The following CFAP47 variants were observed in gnomAD, a reference collection of about 807,000 sequenced individuals.
CFAP47 encodes the protein cilia and flagella associated protein 47.
Under a neutral mutation model 148.1 loss-of-function variants are expected in CFAP47, and 29 were observed. The observed-to-expected ratio is 0.20, with a 90% CI of 0.15 to 0.27. CFAP47 has a LOEUF of 0.27. Among genes scored for constraint, CFAP47 ranks in the 10% least tolerant of loss-of-function variants. The pLI is 1.00. For synonymous variants in CFAP47, 664 were observed against 577.3 expected, an observed-to-expected ratio of 1.15 and a Z score of -2.15; for missense variants, 1,872 against 1,697.5, an observed-to-expected ratio of 1.10 and a Z score of -1.81.
intron 42 of CFAP47, among the ~76,000 whole-genome samples, chrX:36,193,748 C>T (rs1049824782): frequency 8.9e-6 from 1 of 111,737 alleles, no homozygotes; most frequent in South Asian, 3.8e-4. Context: ...CCTTTTTGCT[C>T]TTCAGCCACC....
At position 36,190,161 on chromosome X, in the gene CFAP47, G is replaced by C. The variant is rs1409554057; in HGVS notation, c.6286G>C (p.Val2096Leu). ...CCGCTTTCTTCCCTTTAACATGCAC[G>C]TGCGCTACTGTGTCATCATCTTGAG... ...ELRFLPFNMH[V>L]RYCVIILSNK... The change falls in exon 42 of 64, where the codon GTG becomes CTG. Residue 2096 changes from valine to leucine, a missense_variant. By Grantham distance (32) the Val-to-Leu change is conservative. Transcript: ENST00000378653. 1 of 296,363 alleles carries C rather than the reference G, an allele frequency of 3.4e-6. No individual in the cohort carries two copies. Among genetic ancestry groups the C allele is most frequent in the African/African-American group, 2.7e-5 (1 of 36,557 alleles). The allele number at this position is 296,363 out of a possible 1,213,427, so 24.4% of individuals were successfully genotyped here. A position where few individuals can be genotyped will look rare whatever the true frequency, so the allele number is the denominator to read the frequency against.
intron 32 of CFAP47, 76 bp downstream of exon 32, chrX:36,099,955 C>A: frequency 1.9e-6 from 1 of 534,382 alleles, no homozygotes; most frequent in Non-Finnish European, 3.0e-6. Flanking sequence ...ATAGACAATG[C>A]TGCTATGAAA....
intron 57 of CFAP47, among the ~76,000 whole-genome samples, chrX:36,343,178 A>T (rs1941668134): frequency 8.9e-6 from 1 of 111,898 alleles, no homozygotes; most frequent in African/African-American, 3.3e-5. Context: ...TTCCATGGTC[A>T]GTATTCTATC....
At chrX:35,995,567 C>T (rs1310013492) in intron 18 of CFAP47, among the ~76,000 whole-genome samples, 1 of 110,888 alleles carries the variant, frequency 9.0e-6, no homozygotes, top group Non-Finnish European at 1.9e-5. Flanking sequence ...ATGGGTATGT[C>T]AAGAGTGAGG....
At chrX:36,226,763 AT>A (rs782001985) in intron 45 of CFAP47, among the ~76,000 whole-genome samples, 14 of 110,534 alleles carry the variant, frequency 1.3e-4, no homozygotes. Flanking sequence ...GGAAATGAAC[AT>A]TTTTTTTGGA....
intron 15 of CFAP47, among the ~76,000 whole-genome samples, chrX:35,985,454 G>T (rs987162217): frequency 2.4e-4 from 27 of 111,400 alleles, no homozygotes; most frequent in Non-Finnish European, 4.7e-4. Context: ...CAAGTTGTGG[G>T]TGAGTACATG....
intron 59 of CFAP47, among the ~76,000 whole-genome samples, chrX:36,352,303 C>G (rs1941748996): frequency 9.0e-6 from 1 of 111,118 alleles, no homozygotes; most frequent in African/African-American, 3.3e-5. Context: ...ACAGTTTTTC[C>G]TAGCCATTTT....
intron 13 of CFAP47, among the ~76,000 whole-genome samples, chrX:35,974,911 T>G (rs1936545868): frequency 9.0e-6 from 1 of 111,228 alleles, no homozygotes; most frequent in African/African-American, 3.3e-5. Flanking sequence ...TCATATAATT[T>G]TTCATATAAT....
intron 59 of CFAP47, among the ~76,000 whole-genome samples, chrX:36,351,759 A>G (rs1325562569): frequency 5.4e-5 from 6 of 111,797 alleles, no homozygotes; most frequent in African/African-American, 1.9e-4. Context: ...TAGAGTGTGT[A>G]TTAGTTATTA....
intron 21 of CFAP47, among the ~76,000 whole-genome samples, chrX:36,004,083 C>G (rs1473278335): frequency 1.9e-5 from 2 of 106,307 alleles, no homozygotes; most frequent in Admixed American, 2.1e-4. Flanking sequence ...AGTGATTCTC[C>G]TACCTCAGCT....
At chrX:36,314,239 T>C (rs1398818125) in intron 56 of CFAP47, among the ~76,000 whole-genome samples, 1 of 111,403 alleles carries the variant, frequency 9.0e-6, no homozygotes, top group East Asian at 2.8e-4. Context: ...TCTTTATATA[T>C]TTTATATATT....
In CFAP47 at chrX:35,941,354, T is replaced by A. The variant is rs370681633; in HGVS notation, c.473T>A (p.Val158Glu). 113 of 1,159,411 alleles carry A rather than the reference T, an allele frequency of 9.7e-5. No homozygotes were observed. Among genetic ancestry groups the A allele is most frequent in the Non-Finnish European group, 1.3e-4 (109 of 866,713 alleles). ...NFGTLVANSK[V>E]YSKEITITNH... The stretch of plus-strand genomic sequence containing the variant: ...GGCACACTGGTTGCCAATAGTAAAG[T>A]ATATTCTAAAGAGATTACTATCACT... The change falls in exon 3 of 64, where the codon GTA becomes GAA. Residue 158 changes from valine (V) to glutamate (E), a missense_variant. By Grantham distance (121) the Val-to-Glu change is moderately radical (BLOSUM62 -2). Coordinates refer to ENST00000378653, the MANE Select transcript of CFAP47 (RefSeq NM_001304548.2).
At chrX:35,996,640 A>C (rs1405324158) in intron 18 of CFAP47, among the ~76,000 whole-genome samples, 3 of 111,825 alleles carry the variant, frequency 2.7e-5, no homozygotes, top group Admixed American at 9.5e-5. Flanking sequence ...TTTTGTAGGA[A>C]TTATACAACT....
At chrX:36,368,424 G>C (rs781983006) in intron 62 of CFAP47, among the ~76,000 whole-genome samples, 5 of 111,079 alleles carry the variant, frequency 4.5e-5, no homozygotes, top group African/African-American at 1.6e-4. Flanking sequence ...GATTGGAGAG[G>C]CTTTAAGGAG....
chrX:36,102,934 T>G (rs1938400464), intron 32 of CFAP47, among the ~76,000 whole-genome samples: 2 of 111,823 alleles, frequency 1.8e-5, no homozygotes, highest in African/African-American at 6.5e-5. Flanking sequence ...TAGCTAACAT[T>G]CAGAAATGGA....
intron 40 of CFAP47, among the ~76,000 whole-genome samples, chrX:36,187,311 T>C (rs1295142727): frequency 1.8e-5 from 2 of 112,192 alleles, no homozygotes; most frequent in African/African-American, 6.5e-5. Context: ...GGTACTTTCC[T>C]TACTTGTTTC....
At chrX:36,203,576 T>G (rs1162205742) in intron 44 of CFAP47, among the ~76,000 whole-genome samples, 1 of 112,147 alleles carries the variant, frequency 8.9e-6, no homozygotes, top group Non-Finnish European at 1.9e-5. Flanking sequence ...GTTTAACTGT[T>G]TCTCCTGTCA....
intron 18 of CFAP47, among the ~76,000 whole-genome samples, chrX:35,996,044 A>G (rs950264169): frequency 9.0e-6 from 1 of 110,927 alleles, no homozygotes; most frequent in Non-Finnish European, 1.9e-5. Flanking sequence ...TTGTGCATTT[A>G]TGAGGAGTGA....
At chrX:36,333,959 C>T (rs1157880750) in intron 57 of CFAP47, among the ~76,000 whole-genome samples, 2 of 111,424 alleles carry the variant, frequency 1.8e-5, no homozygotes, top group Non-Finnish European at 3.8e-5. Flanking sequence ...TTGTGAATGG[C>T]GACCTCATTT....
Sources: gnomAD v4.1 joint callset for allele counts (sites outside exome capture counted in the v4.1 genomes callset) on GRCh38, gnomAD v4.1.1 for gene constraint, MANE v1.5 for transcripts, NCBI Gene and HGNC (gene_info 2026-07-23, HGNC 2026-07-21) for gene names.